Variants in SPAG16 observed in about 807,000 individuals in gnomAD.
SPAG16 encodes sperm-associated antigen 16 protein.
A neutral mutation model predicts 80.4 loss-of-function variants in SPAG16; 86 were observed. That is an observed-to-expected ratio of 1.07 (90% CI 0.90 to 1.28). The LOEUF is 1.28. Among genes scored for constraint, SPAG16 ranks in the 50% most tolerant of loss-of-function variants. SPAG16 has a pLI of 0.00. For missense variants in SPAG16, 870 were observed against 765.3 expected (o/e 1.14, Z -1.61); for synonymous variants, 294 against 265.9 (o/e 1.11, Z -1.03).
At chr2:213,335,559 G>A (rs959829714) in intron 5 of SPAG16, among the ~76,000 whole-genome samples, 1 of 145,286 alleles carries the variant, frequency 6.9e-6, no homozygotes, top group Non-Finnish European at 1.6e-5. Context: ...CTCAATTTAT[G>A]TTGTCAGCTT....
At chr2:214,226,420 T>A (rs552177368) in intron 15 of SPAG16, among the ~76,000 whole-genome samples, 30 of 152,128 alleles carry the variant, frequency 2.0e-4, no homozygotes, top group African/African-American at 7.2e-4. Flanking sequence ...CTCTGATTAT[T>A]TAATAAAAAG....
At chr2:214,401,369 T>C (rs1194380643) in intron 15 of SPAG16, among the ~76,000 whole-genome samples, 1 of 151,988 alleles carries the variant, frequency 6.6e-6, no homozygotes, top group Non-Finnish European at 1.5e-5. Flanking sequence ...CTGATGTGTA[T>C]AAAAATCATT....
chr2:213,305,263 A>G (rs1220565500), intron 3 of SPAG16, among the ~76,000 whole-genome samples: 1 of 151,840 alleles, frequency 6.6e-6, no homozygotes, highest in Non-Finnish European at 1.5e-5. Context: ...CTTTTGGTGA[A>G]TAGGTTTTTT....
At chr2:213,648,709 C>T (rs2062916089) in intron 10 of SPAG16, among the ~76,000 whole-genome samples, 1 of 152,158 alleles carries the variant, frequency 6.6e-6, no homozygotes. Flanking sequence ...TGGCTAAAGG[C>T]ATTTCAGGCT....
intron 13 of SPAG16, among the ~76,000 whole-genome samples, chr2:214,067,365 A>G (rs993454858): frequency 3.3e-5 from 5 of 152,174 alleles, no homozygotes; most frequent in Admixed American, 1.3e-4. Flanking sequence ...AGCACACAAT[A>G]GAAATGGAGG....
At chr2:213,428,143 G>C (rs1382592043) in intron 9 of SPAG16, among the ~76,000 whole-genome samples, 1 of 152,188 alleles carries the variant, frequency 6.6e-6, no homozygotes, top group African/African-American at 2.4e-5. Flanking sequence ...AACATAAAGT[G>C]AATAAGAACT....
At chr2:213,826,636 T>G (rs2073322116) in intron 10 of SPAG16, among the ~76,000 whole-genome samples, 1 of 152,040 alleles carries the variant, frequency 6.6e-6, no homozygotes, top group Non-Finnish European at 1.5e-5. Flanking sequence ...TTTGAATGTC[T>G]TAAGACTTGT....
At chr2:214,049,657 C>T (rs2049532020) in intron 13 of SPAG16, among the ~76,000 whole-genome samples, 1 of 152,122 alleles carries the variant, frequency 6.6e-6, no homozygotes, top group South Asian at 2.1e-4. Context: ...TGTGGTTGTG[C>T]ATTCAGTGGG....
chr2:213,398,884 C>T (rs887623343), intron 9 of SPAG16, among the ~76,000 whole-genome samples: 2 of 152,060 alleles, frequency 1.3e-5, no homozygotes, highest in African/African-American at 2.4e-5. Flanking sequence ...TAGTAATTAT[C>T]CCATAAATAT....
chr2:213,639,441 G>A (rs548677720), intron 10 of SPAG16, among the ~76,000 whole-genome samples: 1 of 152,120 alleles, frequency 6.6e-6, no homozygotes, highest in Non-Finnish European at 1.5e-5. Flanking sequence ...TGGCTTCGTA[G>A]TGCTGAATTC....
At chr2:214,400,956 A>G (rs1236384015) in intron 15 of SPAG16, among the ~76,000 whole-genome samples, 7 of 152,094 alleles carry the variant, frequency 4.6e-5, no homozygotes, top group Admixed American at 4.6e-4. Flanking sequence ...AAGAAAAGTT[A>G]GGACCCTTTA....
intron 15 of SPAG16, among the ~76,000 whole-genome samples, chr2:214,177,704 C>T (rs185536961): frequency 6.7e-6 from 1 of 150,026 alleles, no homozygotes; most frequent in Admixed American, 6.7e-5. Context: ...TACAGAATGG[C>T]TTAGTACTTA....
At chr2:213,929,424 C>T (rs899307590) in intron 11 of SPAG16, among the ~76,000 whole-genome samples, 3 of 152,162 alleles carry the variant, frequency 2.0e-5, no homozygotes, top group African/African-American at 7.2e-5. Context: ...TGCTCAACCA[C>T]CCAGCACTTA....
chr2:213,630,613 G>A (rs2062114907), intron 10 of SPAG16, among the ~76,000 whole-genome samples: 1 of 152,132 alleles, frequency 6.6e-6, no homozygotes, highest in Non-Finnish European at 1.5e-5. Context: ...CCAGCTCATT[G>A]ATGGCTGATT....
chr2:213,541,805 C>A (rs2076456708), intron 10 of SPAG16, among the ~76,000 whole-genome samples: 1 of 151,016 alleles, frequency 6.6e-6, no homozygotes, highest in Non-Finnish European at 1.5e-5. Flanking sequence ...TAACGTCTTC[C>A]CTTGTCTATA....
rs1487483783 is a variant in SPAG16, at chr2:214,202,507, T to C, written c.1720+53241T>C. Among the ~76,000 whole-genome samples the C allele has an allele frequency of 3.9e-5, 6 of 152,124 alleles. No homozygotes were observed. The East Asian group carries it at 9.7e-4, about 25-fold the overall frequency. Reference sequence around the variant, plus strand: ...GCCTTGGATGAGTATTTAATGAAAATTATAGAGAAGGGATAAATTCTGACT... The same window carrying C: ...GCCTTGGATGAGTATTTAATGAAAACTATAGAGAAGGGATAAATTCTGACT... On this transcript the variant is annotated intron_variant, in intron 15 of 15. Coordinates refer to ENST00000331683, the MANE Select transcript of SPAG16 (RefSeq NM_024532.5).
chr2:213,584,015 A>G (rs2060382556), intron 10 of SPAG16, among the ~76,000 whole-genome samples: 1 of 152,238 alleles, frequency 6.6e-6, no homozygotes, highest in Admixed American at 6.5e-5. Flanking sequence ...TCATGGACTA[A>G]CCTTTGTAGA....
At chr2:213,672,770 T>A (rs1000689931) in intron 10 of SPAG16, among the ~76,000 whole-genome samples, 1 of 152,096 alleles carries the variant, frequency 6.6e-6, no homozygotes, top group African/African-American at 2.4e-5. Flanking sequence ...TGCTCTGCAA[T>A]AGGGATATTC....
intron 13 of SPAG16, among the ~76,000 whole-genome samples, chr2:214,064,194 A>G (rs2050421529): frequency 6.6e-6 from 1 of 152,202 alleles, no homozygotes; most frequent in Non-Finnish European, 1.5e-5. Flanking sequence ...TTATAAAGAA[A>G]GCATAATATC....
Sources: gnomAD v4.1 joint callset for allele counts (sites outside exome capture counted in the v4.1 genomes callset) on GRCh38, gnomAD v4.1.1 for gene constraint, MANE v1.5 for transcripts, NCBI Gene and HGNC (gene_info 2026-07-23, HGNC 2026-07-21) for gene names.